FHAD1: variants seen among roughly 807,000 people sequenced by gnomAD.
The protein encoded by FHAD1 is forkhead associated phosphopeptide binding domain 1, also known as forkhead-associated domain-containing protein 1.
In FHAD1, 146 loss-of-function variants were observed where a neutral mutation model predicts 191.3. The ratio of observed to expected loss-of-function variants is 0.76; its 90% CI spans 0.67 to 0.88. The LOEUF (loss-of-function observed/expected upper bound fraction) is 0.88. FHAD1 is among the 40% of genes least tolerant of loss of function. The pLI is 0.00. For missense variants in FHAD1, 1,635 were observed against 1,785.8 expected (o/e 0.92, Z 1.52); for synonymous variants, 616 against 672.3 (o/e 0.92, Z 1.29).
Position 15,380,803 on chromosome 1 carries a change from A to T in FHAD1, c.3801+7A>T. ...AGAGCTCAGTGAAAAGCTGGTATGT[A>T]CATCCAGCATCCACCCTGCTCCTAT... On this transcript the variant is annotated splice_region_variant and intron_variant, in intron 29 of 33. Transcript: ENST00000688493. 3.9e-6 allele frequency: 6 copies of T among 1,550,590 alleles called. No homozygotes were observed. Among genetic ancestry groups the T allele is most frequent in the Non-Finnish European group, 5.2e-6 (6 of 1,146,266 alleles).
At chr1:15,260,450 C>G (rs2100977369) in intron 2 of FHAD1, among the ~76,000 whole-genome samples, 1 of 152,328 alleles carries the variant, frequency 6.6e-6, no homozygotes, top group South Asian at 2.1e-4. Context: ...TGAGTGGACT[C>G]AGCTGGTTCC....
chr1:15,331,925 G>A (rs967815645), intron 14 of FHAD1, among the ~76,000 whole-genome samples: 5 of 151,950 alleles, frequency 3.3e-5, no homozygotes, highest in Non-Finnish European at 7.4e-5. Context: ...AGAGCACAGG[G>A]CCGCACCTTA....
intron 4 of FHAD1, among the ~76,000 whole-genome samples, chr1:15,292,494 C>G (rs1044846532): frequency 3.9e-5 from 6 of 152,222 alleles, no homozygotes; most frequent in African/African-American, 1.4e-4. Flanking sequence ...CCACCACGCC[C>G]AGCTAATTTT....
Position 15,345,573 on chromosome 1 carries a change from A to T in FHAD1, c.2346+50A>T, listed in dbSNP as rs1397117259. ...CTGAGCCCCAGTCGGCTTGAGGGCC[A>T]TGTGGAAGGAAGTTCAGAGCGGCGA... On this transcript the variant is annotated intron_variant, in intron 18 of 33. Transcript: ENST00000688493. 4 of 1,414,530 alleles carry T rather than the reference A, an allele frequency of 2.8e-6. No individual in the cohort carries two copies. In the South Asian group the frequency reaches 3.7e-5, roughly 13 times the overall value. 87.6% of individuals were successfully genotyped at this position (1,414,530 alleles called of 1,614,324 possible).
At chr1:15,282,505 A>G (rs1335528263) in intron 3 of FHAD1, among the ~76,000 whole-genome samples, 1 of 152,204 alleles carries the variant, frequency 6.6e-6, no homozygotes, top group Admixed American at 6.5e-5. Flanking sequence ...CAACCGGAAT[A>G]CTGGTGGATA....
intron 1 of FHAD1, among the ~76,000 whole-genome samples, chr1:15,249,425 GA>G (rs1646500858): frequency 6.6e-6 from 1 of 152,172 alleles, no homozygotes; most frequent in Admixed American, 6.5e-5. Context: ...TGTGGTGCTT[GA>G]TGATGTAGTC....
intron 31 of FHAD1, among the ~76,000 whole-genome samples, chr1:15,386,116 C>T (rs560234669): frequency 1.9e-3 from 295 of 152,338 alleles, no homozygotes; most frequent in Middle Eastern, 6.8e-3. Flanking sequence ...GTGACTTTAC[C>T]TCTGTCGCAG....
chr1:15,252,758 C>T (rs747567934), intron 2 of FHAD1, among the ~76,000 whole-genome samples: 2 of 152,330 alleles, frequency 1.3e-5, no homozygotes, highest in South Asian at 2.1e-4. Context: ...CTCCAAGCCC[C>T]GGGCTTAGCC....
chr1:15,375,818 C>T, intron 28 of FHAD1, 88 bp downstream of exon 28: 1 of 1,365,150 alleles, frequency 7.3e-7, no homozygotes, highest in Non-Finnish European at 9.8e-7. Flanking sequence ...CTGGCACAGC[C>T]ATACATGTCA....
In FHAD1 at chr1:15,324,305, G is replaced by A. The variant is rs192472115; in HGVS notation, c.1366-147G>A. 745 of 648,438 alleles carry A rather than the reference G, an allele frequency of 1.1e-3. 1 individual carries two copies. Among genetic ancestry groups the A allele is most frequent in the Admixed American group, 4.0e-3 (171 of 42,490 alleles). The allele number at this position is 648,438 out of a possible 1,614,324, so 40.2% of individuals were successfully genotyped here. On this transcript the variant is annotated intron_variant, in intron 10 of 33. Transcript: ENST00000688493. ...TGCCCCCCTAGCCTGGCTCCACCCC[G>A]CGCACGCCTGTGACCCCTGCCACAT...
chr1:15,280,515 TA>T (rs1291773016), intron 3 of FHAD1, among the ~76,000 whole-genome samples: 1 of 152,092 alleles, frequency 6.6e-6, no homozygotes, highest in Admixed American at 6.5e-5. Flanking sequence ...GCAGACAGCC[TA>T]GGGGACTGCA....
chr1:15,392,110 T>C (rs186563800), intron 33 of FHAD1, among the ~76,000 whole-genome samples: 10 of 152,332 alleles, frequency 6.6e-5, no homozygotes, highest in Admixed American at 6.5e-4. Flanking sequence ...GGGCAGATGG[T>C]GCTTCGCCTA....
intron 3 of FHAD1, among the ~76,000 whole-genome samples, chr1:15,281,904 T>C (rs949508819): frequency 6.6e-6 from 1 of 152,150 alleles, no homozygotes; most frequent in African/African-American, 2.4e-5. Context: ...AATTATTTAC[T>C]CATTCATGTA....
At chr1:15,299,247 A>G (rs926628746) in intron 5 of FHAD1, among the ~76,000 whole-genome samples, 1 of 151,276 alleles carries the variant, frequency 6.6e-6, no homozygotes, top group Non-Finnish European at 1.5e-5. Context: ...GAAAGAAAGC[A>G]TTTATTGTCT....
At chr1:15,237,814 A>C (rs889825734) in intron 1 of FHAD1, among the ~76,000 whole-genome samples, 6 of 152,176 alleles carry the variant, frequency 3.9e-5, no homozygotes, top group Non-Finnish European at 7.3e-5. Context: ...AAGGCAGAAA[A>C]ACTGGACATG....
At chr1:15,301,061 C>T (rs994591975) in intron 5 of FHAD1, 144 bp from the exon 6 acceptor site, 1 of 643,638 alleles carries the variant, frequency 1.6e-6, no homozygotes. Context: ...AACTCCTGAC[C>T]TCAGGCGATC....
At chr1:15,378,239 C>T (rs1328562897) in intron 28 of FHAD1, among the ~76,000 whole-genome samples, 1 of 152,072 alleles carries the variant, frequency 6.6e-6, no homozygotes, top group African/African-American at 2.4e-5. Context: ...GAACCAACAT[C>T]GCACCACTGC....
intron 3 of FHAD1, among the ~76,000 whole-genome samples, chr1:15,286,052 G>A (rs953315685): frequency 3.3e-5 from 5 of 152,220 alleles, no homozygotes; most frequent in Non-Finnish European, 7.3e-5. Context: ...GAGGAGAGGA[G>A]AAGGGAGAGT....
chr1:15,313,108 A>C lies in FHAD1; in HGVS notation c.1091A>C (p.Gln364Pro). 1 of 1,551,842 alleles carries C rather than the reference A, an allele frequency of 6.4e-7. No individual in the cohort carries two copies. The highest frequency in any genetic ancestry group is 8.7e-7 in the Non-Finnish European group (1 of 1,147,014). ...KDILAKDEQV[Q>P]QLKEEVSHLK... ...ATATTAGCAAAGGATGAGCAAGTTC[A>C]ACAACTAAAGGAAGAGGTCAGTCAC... Residue 364 changes from glutamine (Q) to proline (P), a missense_variant, in exon 8 of 34, where the codon CAA (glutamine) becomes CCA (proline). Transcript: ENST00000688493.
Sources: gnomAD v4.1 joint callset for allele counts (sites outside exome capture counted in the v4.1 genomes callset) on GRCh38, gnomAD v4.1.1 for gene constraint, MANE v1.5 for transcripts, NCBI Gene and HGNC (gene_info 2026-07-23, HGNC 2026-07-21) for gene names.